Variants in ZNF394 observed in about 807,000 individuals in gnomAD.
The protein encoded by ZNF394 is zinc finger protein 99.
ZNF394 carries 19 observed loss-of-function variants against 21.8 expected under a neutral mutation model. The ratio of observed to expected loss-of-function variants is 0.87; its 90% CI spans 0.61 to 1.28. ZNF394 has a LOEUF of 1.28. ZNF394 is among the 50% of genes most tolerant of loss of function. The pLI, the probability that ZNF394 is intolerant of heterozygous loss-of-function variation, is 0.00. For synonymous variants in ZNF394, 294 were observed against 273.3 expected (o/e 1.08, Z -0.75); for missense variants, 683 against 708.6 (o/e 0.96, Z 0.41).
Position 99,499,991 on chromosome 7 carries a change from C to T in ZNF394, c.103G>A (p.Gly35Arg), listed in dbSNP as rs747520068. 4 of 1,612,282 alleles carry T rather than the reference C, an allele frequency of 2.5e-6. No individual in the cohort carries two copies. Among genetic ancestry groups the T allele is most frequent in the African/African-American group, 1.3e-5 (1 of 74,952 alleles). Residue 35 changes from glycine to arginine, a missense_variant, in exon 1 of 3, where the codon GGA becomes AGA. Physicochemically the swap from Gly to Arg is moderately radical, Grantham distance 125 (BLOSUM62 -2). Transcript: ENST00000337673. ...TCCTCCACTTTCACGGGCAAAAGTC[C>T]GTCGCGTTGGGACGGCGCCGCGTCC... Reference protein sequence around the residue: ...SKDAAPSQRDGLLPVKVEEDS... With the variant: ...SKDAAPSQRDRLLPVKVEEDS...
chr7:99,489,888 C>G (rs2151078408), downstream of ZNF394, among the ~76,000 whole-genome samples: 1 of 152,078 alleles, frequency 6.6e-6, no homozygotes, highest in Non-Finnish European at 1.5e-5. Context: ...ACCTATAATT[C>G]CAGCTACTCA....
chr7:99,496,200 T>C (rs540300121), intron 2 of ZNF394, among the ~76,000 whole-genome samples: 1 of 149,500 alleles, frequency 6.7e-6, no homozygotes, highest in East Asian at 2.0e-4. Context: ...GGTGTTTTAG[T>C]AGACGGGGTT....
At position 99,493,564 on chromosome 7, in the gene ZNF394, C is replaced by G; in HGVS notation, c.1651G>C (p.Val551Leu). 9 of 1,613,106 alleles carry G rather than the reference C, an allele frequency of 5.6e-6. No individual in the cohort carries two copies. Among genetic ancestry groups the G allele is most frequent in the African/African-American group, 2.7e-5 (2 of 75,016 alleles). ...GAGCCACCACGCCCAGCCGACAGCA[C>G]TTTATTTTGATGAATTCTTTGGTGT... Reference protein sequence around the residue: ...IRHQRIHQNKVLSAGRGGSRL With the variant: ...IRHQRIHQNKLLSAGRGGSRL The change falls in exon 3 of 3, where the codon GTG becomes CTG. Residue 551 changes from valine to leucine, a missense_variant. Transcript: ENST00000337673.
chr7:99,499,556 G>C (rs1286498629), intron 1 of ZNF394, 82 bp downstream of exon 1: 1 of 1,270,460 alleles, frequency 7.9e-7, no homozygotes, highest in Non-Finnish European at 1.1e-6. Context: ...ATGTAATAAG[G>C]AAGTAAGTTC....
intron 2 of ZNF394, among the ~76,000 whole-genome samples, chr7:99,497,103 T>C (rs1466976850): frequency 1.7e-5 from 2 of 119,498 alleles, no homozygotes; most frequent in East Asian, 4.5e-4. Flanking sequence ...TGTGTGTGTG[T>C]GTGTGTGTGT....
chr7:99,488,296 G>C (rs1800075670), downstream of ZNF394, among the ~76,000 whole-genome samples: 1 of 151,982 alleles, frequency 6.6e-6, no homozygotes, highest in Non-Finnish European at 1.5e-5. Flanking sequence ...CAGCACTTTG[G>C]GAGGCTGAGG....
At chr7:99,491,602 CCT>C (rs981905800), downstream of ZNF394, among the ~76,000 whole-genome samples, 3 of 151,708 alleles carry the variant, frequency 2.0e-5, no homozygotes, top group African/African-American at 7.3e-5. Context: ...ATGGTGAAAC[CCT>C]GTCTCTACTA....
chr7:99,488,930 C>CAAAA (rs1182283444), downstream of ZNF394, among the ~76,000 whole-genome samples: 1 of 51,370 alleles, frequency 1.9e-5, no homozygotes, highest in Non-Finnish European at 4.0e-5. Context: ...GACTCCATCT[C>CAAAA]AAAAAAAAAA....
chr7:99,496,300 G>A (rs993629567), intron 2 of ZNF394, among the ~76,000 whole-genome samples: 1 of 151,146 alleles, frequency 6.6e-6, no homozygotes, highest in Non-Finnish European at 1.5e-5. Flanking sequence ...ATAGGTGTGA[G>A]CTACCTCGGT....
At chr7:99,487,490 G>A (rs963596430) in intron 1 of ZNF394, 3 of 1,604,006 alleles carry the variant, frequency 1.9e-6, no homozygotes, top group African/African-American at 2.7e-5. Flanking sequence ...TCCACATGAT[G>A]TTAATTGGAA....
chr7:99,492,245 T>G (rs1315821815), downstream of ZNF394, among the ~76,000 whole-genome samples: 1 of 152,154 alleles, frequency 6.6e-6, no homozygotes, highest in Non-Finnish European at 1.5e-5. Flanking sequence ...TATGAAGTAG[T>G]TGAAACCCTC....
intron 1 of ZNF394, 75 bp downstream of exon 1, chr7:99,499,563 G>T: frequency 7.4e-7 from 1 of 1,358,556 alleles, no homozygotes; most frequent in Non-Finnish European, 1.0e-6. Flanking sequence ...AAGGAAGTAA[G>T]TTCCGAAACG....
rs1011742042 is a variant in ZNF394 at position 99,494,401 on chromosome 7, T to G, written c.814A>C (p.Lys272Gln). ...TCTTCCCCTTCTATGGAACCATTCT[T>G]ATTGACATCTGAGATGCTGTTGAGT... ...EGLNSISDVN[K>Q]NGSIEGEDSK... The change falls in exon 3 of 3, where the codon AAG becomes CAG. Residue 272 changes from lysine to glutamine, a missense_variant. Lys to Gln is a moderately conservative substitution (Grantham distance 53). Transcript: ENST00000337673. 2 of 1,614,208 alleles carry G rather than the reference T, an allele frequency of 1.2e-6. No homozygotes were observed. The highest frequency in any genetic ancestry group is 2.2e-5 in the South Asian group (2 of 91,088).
chr7:99,494,137 A>C lies in ZNF394; in HGVS notation c.1078T>G (p.Cys360Gly). Residue 360 changes from cysteine (C) to glycine (G), a missense_variant, in exon 3 of 3, where the codon TGT becomes GGT. This residue lies in a region of ZNF394 where 274 missense variants were observed against 314.1 expected (regional missense o/e 0.87). Transcript: ENST00000337673. ...TTGAAACTCTTCCCACAGTTACCACATTTATAAGGTCTTTCTTCATGGAGC... is the reference window on the plus strand; with the variant it reads ...TTGAAACTCTTCCCACAGTTACCACCTTTATAAGGTCTTTCTTCATGGAGC... ...RQLHEERPYKCGNCGKSFKQR... is the reference protein window; with the variant it reads ...RQLHEERPYKGGNCGKSFKQR... The C allele has an allele frequency of 1.9e-6, 3 of 1,614,220 alleles. No individual in the cohort carries two copies. In the South Asian group the frequency reaches 3.3e-5, roughly 18 times the overall value.
chr7:99,492,091 AAAAG>A (rs1303014888), downstream of ZNF394, among the ~76,000 whole-genome samples: 1 of 151,660 alleles, frequency 6.6e-6, no homozygotes, highest in Non-Finnish European at 1.5e-5. Flanking sequence ...AAAAAAAAAA[AAAAG>A]AAATCAGCAA....
intron 2 of ZNF394, among the ~76,000 whole-genome samples, chr7:99,496,865 C>T (rs1030655536): frequency 6.6e-6 from 1 of 151,576 alleles, no homozygotes; most frequent in African/African-American, 2.4e-5. Context: ...AGCCACCGTA[C>T]CCAGCCAACA....
In ZNF394 at chr7:99,498,249, C is replaced by A. The variant is rs539037273; in HGVS notation, c.583+467G>T. On this transcript the variant is annotated intron_variant, in intron 2 of 2. Transcript: ENST00000337673. Reference sequence around the variant, plus strand: ...AAAATGTAATGTTGAGTAAAAAAAGCCATACAGTAATGATATACAGCGTGG... The same window carrying A: ...AAAATGTAATGTTGAGTAAAAAAAGACATACAGTAATGATATACAGCGTGG... The A allele has an allele frequency of 1.8e-4, 28 of 153,174 alleles. No homozygotes were observed. The South Asian group carries it at 5.4e-3, about 30-fold the overall frequency. 9.5% of individuals were successfully genotyped at this position (153,174 alleles called of 1,614,324 possible).
At chr7:99,486,559 G>A (rs756629388) in exon 2 of ZNF394, 1 of 1,614,176 alleles carries the variant, frequency 6.2e-7, no homozygotes. Flanking sequence ...GATATCAGTG[G>A]TAATGCAGGA....
At chr7:99,495,676 A>G (rs1390995357) in intron 2 of ZNF394, among the ~76,000 whole-genome samples, 2 of 151,856 alleles carry the variant, frequency 1.3e-5, no homozygotes, top group Admixed American at 6.6e-5. Flanking sequence ...GCTGGAGTGC[A>G]GTGGAGTGAT....
Sources: allele counts gnomAD v4.1 joint callset (sites outside exome capture counted in the v4.1 genomes callset), GRCh38; gene constraint gnomAD v4.1.1; regional missense constraint gnomAD v4.1.1; transcripts MANE v1.5; gene names NCBI Gene and HGNC (gene_info 2026-07-23, HGNC 2026-07-21).